The following SAMTOR variants were observed in gnomAD, a reference collection of about 807,000 sequenced individuals.
SAMTOR encodes S-adenosylmethionine sensor upstream of mTORC1.
the SAMTOR span, among the ~76,000 whole-genome samples, chr7:112,912,094 T>G: frequency 6.6e-6 from 1 of 151,886 alleles, no homozygotes; most frequent in South Asian, 2.1e-4. Context: ...ACTTATGAAC[T>G]AAGTATTTTA....
At chr7:112,919,039 C>T in the SAMTOR span, among the ~76,000 whole-genome samples, 203 of 152,216 alleles carry the variant, frequency 1.3e-3, no homozygotes, top group Middle Eastern at 3.4e-3. Context: ...AACAGATCAA[C>T]GAGACAGAAA....
the SAMTOR span, among the ~76,000 whole-genome samples, chr7:112,868,670 T>C: frequency 6.6e-6 from 1 of 152,200 alleles, no homozygotes; most frequent in Non-Finnish European, 1.5e-5. Flanking sequence ...TTTGGCCACC[T>C]GGCAACAGCA....
the SAMTOR span, among the ~76,000 whole-genome samples, chr7:112,883,577 G>A: frequency 6.6e-6 from 1 of 152,214 alleles, no homozygotes; most frequent in Non-Finnish European, 1.5e-5. Flanking sequence ...AATGGCAGAT[G>A]AGGATGAGTT....
chr7:112,908,560 C>A, the SAMTOR span, among the ~76,000 whole-genome samples: 1 of 152,066 alleles, frequency 6.6e-6, no homozygotes, highest in African/African-American at 2.4e-5. Context: ...TCTGAAGACT[C>A]CTGACCAATA....
the SAMTOR span, among the ~76,000 whole-genome samples, chr7:112,871,581 A>G: frequency 2.6e-5 from 4 of 152,234 alleles, no homozygotes; most frequent in African/African-American, 9.6e-5. Flanking sequence ...GTCTCAAATT[A>G]ACAATCTACT....
the SAMTOR span, among the ~76,000 whole-genome samples, chr7:112,897,804 G>T: frequency 6.6e-6 from 1 of 152,102 alleles, no homozygotes; most frequent in African/African-American, 2.4e-5. Context: ...CCCTAGACCT[G>T]CAAGAATATC....
chr7:112,857,803 C>G, the SAMTOR span, among the ~76,000 whole-genome samples: 1 of 152,176 alleles, frequency 6.6e-6, no homozygotes, highest in Non-Finnish European at 1.5e-5. Context: ...AAGAAGCAAC[C>G]TGGCTGTGCA....
chr7:112,939,745 C>T, the SAMTOR span: 2 of 1,597,798 alleles, frequency 1.3e-6, no homozygotes, highest in Non-Finnish European at 1.7e-6. Context: ...CGGCCCCTGG[C>T]TCCATATCGC....
chr7:112,868,557 G>C, the SAMTOR span, among the ~76,000 whole-genome samples: 1 of 152,148 alleles, frequency 6.6e-6, no homozygotes, highest in Non-Finnish European at 1.5e-5. Context: ...AAGGCTAAGA[G>C]ATAGTGAGGG....
the SAMTOR span, among the ~76,000 whole-genome samples, chr7:112,846,145 C>CT: frequency 3.5e-3 from 455 of 128,974 alleles, 4 homozygotes; most frequent in South Asian, 4.4e-3. Context: ...ATCTGTACAA[C>CT]TTTTTTTTTT....
At chr7:112,832,843 C>A in the SAMTOR span, among the ~76,000 whole-genome samples, 2 of 152,038 alleles carry the variant, frequency 1.3e-5, no homozygotes, top group Non-Finnish European at 2.9e-5. Flanking sequence ...TAATAATGAT[C>A]ATATTTGAAG....
At chr7:112,867,486 A>T in the SAMTOR span, among the ~76,000 whole-genome samples, 6 of 152,174 alleles carry the variant, frequency 3.9e-5, no homozygotes, top group African/African-American at 1.4e-4. Context: ...CTCTTATAAA[A>T]ATTTTCAGGA....
chr7:112,931,663 C>A, the SAMTOR span, among the ~76,000 whole-genome samples: 1 of 152,228 alleles, frequency 6.6e-6, no homozygotes, highest in African/African-American at 2.4e-5. Context: ...AAAAGTCTTA[C>A]CCTAATTTCT....
the SAMTOR span, among the ~76,000 whole-genome samples, chr7:112,875,201 CCTG>C: frequency 3.3e-5 from 5 of 152,170 alleles, no homozygotes; most frequent in Non-Finnish European, 7.3e-5. Context: ...GGGAACTCTT[CCTG>C]CTGTTCTCCT....
the SAMTOR span, chr7:112,832,485 G>T: frequency 1.2e-6 from 1 of 809,990 alleles, no homozygotes; most frequent in African/African-American, 1.7e-5. Flanking sequence ...TGCTATTTTA[G>T]GGATGCAAAG....
At chr7:112,876,757 G>C in the SAMTOR span, among the ~76,000 whole-genome samples, 1 of 152,172 alleles carries the variant, frequency 6.6e-6, no homozygotes, top group South Asian at 2.1e-4. Flanking sequence ...TGAATTGCTT[G>C]GCATAATATT....
At chr7:112,865,450 G>C in the SAMTOR span, among the ~76,000 whole-genome samples, 1 of 151,966 alleles carries the variant, frequency 6.6e-6, no homozygotes, top group Non-Finnish European at 1.5e-5. Context: ...GCTAATTTTT[G>C]TATTTTTAGT....
the SAMTOR span, chr7:112,935,348 A>T: frequency 2.6e-5 from 9 of 340,586 alleles, no homozygotes; most frequent in Admixed American, 3.9e-4. Flanking sequence ...GTTTCTGGAA[A>T]AACACCAACA....
the SAMTOR span, among the ~76,000 whole-genome samples, chr7:112,870,230 TC>T: frequency 6.6e-6 from 1 of 151,692 alleles, no homozygotes; most frequent in African/African-American, 2.4e-5. Flanking sequence ...AAAATGACCA[TC>T]CCCAAGGCAC....
Sources: gnomAD v4.1 joint callset for allele counts (sites outside exome capture counted in the v4.1 genomes callset) on GRCh38, gnomAD v4.1.1 for gene constraint, MANE v1.5 for transcripts, NCBI Gene and HGNC (gene_info 2026-07-23, HGNC 2026-07-21) for gene names.